The following ZHX2 variants were observed in gnomAD, a reference collection of about 807,000 sequenced individuals.
ZHX2 encodes the protein zinc fingers and homeoboxes 2.
Under a neutral mutation model 21.9 loss-of-function variants are expected in ZHX2, and 6 were observed. The ratio of observed to expected loss-of-function variants is 0.27; its 90% confidence interval spans 0.15 to 0.54. ZHX2 has a LOEUF of 0.54. Among genes scored for constraint, ZHX2 ranks in the 20% least tolerant of loss-of-function variants. The probability of loss-of-function intolerance (pLI) is 0.95; values close to 1 mark genes in which losing one functional copy is unlikely to be tolerated. For missense variants in ZHX2, 908 were observed against 1,090.7 expected (o/e 0.83, Z 2.36); for synonymous variants, 434 against 437.1 (o/e 0.99, Z 0.09).
rs375213938 is a variant in ZHX2 at position 122,796,986 on chromosome 8, T to G, written c.-283+15040T>G. On this transcript the variant is annotated intron_variant, in intron 1 of 3. Transcript: ENST00000314393. ...AGGCAGATGCAGGCCGGCCAGGGGG[T>G]TCCTTGGCATTGTCAATGTCTTTCA... Among the ~76,000 whole-genome samples the G allele has an allele frequency of 1.6e-3, 249 of 152,106 alleles. 3 individuals are homozygous for G. In the South Asian group the frequency reaches 0.021, roughly 13 times the overall value.
intron 2 of ZHX2, among the ~76,000 whole-genome samples, chr8:122,867,708 G>GAGATGTA (rs1338043929): frequency 2.0e-5 from 3 of 152,154 alleles, no homozygotes; most frequent in African/African-American, 7.2e-5. Flanking sequence ...ATCTCACAGG[G>GAGATGTA]TTATTTGGGA....
At chr8:122,912,480 G>A (rs1200216443) in intron 2 of ZHX2, among the ~76,000 whole-genome samples, 1 of 152,138 alleles carries the variant, frequency 6.6e-6, no homozygotes, top group African/African-American at 2.4e-5. Context: ...GAGGTGGGAG[G>A]TGGGTGACTA....
intron 2 of ZHX2, among the ~76,000 whole-genome samples, chr8:122,871,980 G>A (rs1025520279): frequency 1.3e-5 from 2 of 152,136 alleles, no homozygotes; most frequent in African/African-American, 4.8e-5. Flanking sequence ...GGCATCACCC[G>A]GGTTCTTTTC....
chr8:122,869,318 CT>C (rs1819374429), intron 2 of ZHX2, among the ~76,000 whole-genome samples: 1 of 139,318 alleles, frequency 7.2e-6, no homozygotes, highest in Non-Finnish European at 1.6e-5. Flanking sequence ...TCTCCTCATC[CT>C]TTTTTGTTTT....
chr8:122,892,968 G>C (rs1820016541), intron 2 of ZHX2, among the ~76,000 whole-genome samples: 1 of 152,222 alleles, frequency 6.6e-6, no homozygotes, highest in South Asian at 2.1e-4. Flanking sequence ...ACAGGCATGA[G>C]CCACCATGCC....
intron 2 of ZHX2, among the ~76,000 whole-genome samples, chr8:122,900,959 T>G (rs1052115068): frequency 6.6e-6 from 1 of 152,200 alleles, no homozygotes; most frequent in Non-Finnish European, 1.5e-5. Context: ...CAATTTTGTG[T>G]GGCGTGGGCA....
intron 1 of ZHX2, among the ~76,000 whole-genome samples, chr8:122,788,438 A>AC (rs1036096641): frequency 2.0e-5 from 3 of 152,176 alleles, no homozygotes; most frequent in Non-Finnish European, 4.4e-5. Flanking sequence ...GTGGTGACAC[A>AC]CACCTGTAGT....
chr8:122,795,826 C>G (rs928103785), intron 1 of ZHX2, among the ~76,000 whole-genome samples: 2 of 152,122 alleles, frequency 1.3e-5, no homozygotes, highest in African/African-American at 4.8e-5. Context: ...ACATCTGATC[C>G]CATATACTTG....
chr8:122,925,622 C>A (rs528771874), intron 2 of ZHX2, among the ~76,000 whole-genome samples: 27 of 152,194 alleles, frequency 1.8e-4, no homozygotes, highest in Admixed American at 1.6e-3. Flanking sequence ...AAGAGGTTGG[C>A]CTTTGATAGG....
At chr8:122,935,902 G>A (rs1217409715) in intron 2 of ZHX2, among the ~76,000 whole-genome samples, 1 of 152,042 alleles carries the variant, frequency 6.6e-6, no homozygotes, top group Non-Finnish European at 1.5e-5. Context: ...ACCACTCTAA[G>A]TTCTTTGTTT....
chr8:122,959,978 A>G (rs1813404202), intron 3 of ZHX2, among the ~76,000 whole-genome samples: 1 of 152,128 alleles, frequency 6.6e-6, no homozygotes, highest in South Asian at 2.1e-4. Flanking sequence ...ACTAGCCCAG[A>G]GACATTCCTA....
chr8:122,954,439 C>T (rs751706224), intron 3 of ZHX2, among the ~76,000 whole-genome samples: 1 of 152,080 alleles, frequency 6.6e-6, no homozygotes, highest in Non-Finnish European at 1.5e-5. Context: ...TATCAAGTAG[C>T]TGGGACTTCA....
At chr8:122,947,812 G>A (rs374798135) in intron 2 of ZHX2, among the ~76,000 whole-genome samples, 9 of 152,026 alleles carry the variant, frequency 5.9e-5, no homozygotes, top group East Asian at 1.9e-4. Context: ...TGTGAAGGGC[G>A]GCGGGAGAGG....
chr8:122,806,929 A>G (rs1385239691), intron 1 of ZHX2, among the ~76,000 whole-genome samples: 1 of 152,150 alleles, frequency 6.6e-6, no homozygotes, highest in East Asian at 1.9e-4. Flanking sequence ...GGGAGTGGGG[A>G]TAGATAACCA....
intron 1 of ZHX2, among the ~76,000 whole-genome samples, chr8:122,814,043 T>G: frequency 6.6e-6 from 1 of 152,204 alleles, no homozygotes; most frequent in Admixed American, 6.5e-5. Context: ...CTGATAAATT[T>G]CACAGAGAGA....
At chr8:122,910,750 G>C (rs1435653331) in intron 2 of ZHX2, among the ~76,000 whole-genome samples, 1 of 151,724 alleles carries the variant, frequency 6.6e-6, no homozygotes, top group Admixed American at 6.6e-5. Context: ...GGTGGGGGGT[G>C]GGGGGTGAGG....
intron 1 of ZHX2, among the ~76,000 whole-genome samples, chr8:122,827,228 G>C (rs1818282553): frequency 1.3e-5 from 2 of 152,084 alleles, no homozygotes; most frequent in African/African-American, 4.8e-5. Context: ...TGTAGAAACA[G>C]GGTTTCGCCA....
At chr8:122,783,489 CCA>C (rs149493878) in intron 1 of ZHX2, among the ~76,000 whole-genome samples, 7 of 151,614 alleles carry the variant, frequency 4.6e-5, no homozygotes, top group African/African-American at 7.3e-5. Flanking sequence ...CCTCTTAAAA[CCA>C]CACACACACA....
chr8:122,781,233 T>C (rs1254722657), upstream of ZHX2, among the ~76,000 whole-genome samples: 2 of 152,186 alleles, frequency 1.3e-5, no homozygotes, highest in Non-Finnish European at 2.9e-5. The surrounding 1 kb of genome is among the most constrained non-coding windows in gnomAD (Gnocchi z 4.6). Context: ...CGCCCTTCGG[T>C]CCCACGGTCC....
Sources: allele counts gnomAD v4.1 joint callset (sites outside exome capture counted in the v4.1 genomes callset), GRCh38; gene constraint gnomAD v4.1.1; non-coding constraint Gnocchi (gnomAD v3.1); transcripts MANE v1.5; gene names NCBI Gene and HGNC (gene_info 2026-07-23, HGNC 2026-07-21).